The following SNX29 variants were observed in gnomAD, a reference collection of about 807,000 sequenced individuals.
The protein encoded by SNX29 is sorting nexin-29.
SNX29 carries 78 observed loss-of-function variants against 102.1 expected under a neutral mutation model. The ratio of observed to expected loss-of-function variants is 0.76; its 90% CI spans 0.64 to 0.92. The LOEUF (loss-of-function observed/expected upper bound fraction) is 0.92, where lower values mean the gene tolerates loss of function less well. SNX29 is among the 40% of genes least tolerant of loss of function. The pLI is 0.00. For missense variants in SNX29, 1,280 were observed against 1,061.7 expected, an observed-to-expected ratio of 1.21 and a Z score of -2.86; for synonymous variants, 580 against 414.5, an observed-to-expected ratio of 1.40 and a Z score of -4.85.
At chr16:12,548,271 C>G (rs919772069) in intron 20 of SNX29, among the ~76,000 whole-genome samples, 1 of 152,202 alleles carries the variant, frequency 6.6e-6, no homozygotes. Context: ...CAGATGTGGA[C>G]CTGACTGGGA....
chr16:12,459,591 C>T (rs1459574790), intron 18 of SNX29, among the ~76,000 whole-genome samples: 2 of 152,146 alleles, frequency 1.3e-5, no homozygotes, highest in Non-Finnish European at 2.9e-5. Flanking sequence ...GAGCCTGGGT[C>T]AGTCTGCATG....
intron 18 of SNX29, among the ~76,000 whole-genome samples, chr16:12,437,147 C>T (rs930108391): frequency 2.6e-5 from 4 of 152,384 alleles, no homozygotes; most frequent in East Asian, 1.9e-4. Context: ...AAAACTGTTA[C>T]TGAAATCCTG....
intron 20 of SNX29, among the ~76,000 whole-genome samples, chr16:12,553,923 G>A (rs1417003466): frequency 6.6e-6 from 1 of 152,114 alleles, no homozygotes; most frequent in Non-Finnish European, 1.5e-5. Context: ...CGCCTCCTGG[G>A]TTCAAGCAAT....
chr16:12,300,559 G>A (rs933170139), intron 15 of SNX29, among the ~76,000 whole-genome samples: 1 of 152,096 alleles, frequency 6.6e-6, no homozygotes, highest in African/African-American at 2.4e-5. Context: ...TAATTCCTAT[G>A]TAACTGCTTT....
intron 11 of SNX29, chr16:12,086,713 CA>C (rs1414698347): frequency 3.9e-5 from 6 of 152,054 alleles, no homozygotes; most frequent in African/African-American, 1.4e-4. Context: ...TATGCCTGGC[CA>C]AACACCAAAT....
At chr16:12,504,521 G>T (rs1020043675) in intron 19 of SNX29, among the ~76,000 whole-genome samples, 8 of 152,186 alleles carry the variant, frequency 5.3e-5, no homozygotes, top group African/African-American at 1.9e-4. Flanking sequence ...GTGTGTCACA[G>T]AAGGATCATG....
rs568010064 is a variant in SNX29, at chr16:12,063,460, C to T, written c.1243+1814C>T. 7.3e-4 allele frequency among the ~76,000 whole-genome samples: 108 copies of T among 147,400 alleles called. 1 individual carries two copies. Among genetic ancestry groups the T allele is most frequent in the African/African-American group, 2.6e-3 (103 of 39,844 alleles). On this transcript the variant is annotated intron_variant, in intron 9 of 20. Coordinates refer to ENST00000566228, the MANE Select transcript of SNX29 (RefSeq NM_032167.5). ...CATGATCTTGGCTCACTGCAACCTC[C>T]GCCTTCTGGGTTCAAGTGATTCTCC...
intron 1 of SNX29, among the ~76,000 whole-genome samples, chr16:11,982,423 G>GTTTTTTTTTTTTTTTTTTTTTT (rs60761477): frequency 2.5e-5 from 3 of 120,356 alleles, no homozygotes; most frequent in Admixed American, 9.5e-5. Flanking sequence ...CTTTCCATCA[G>GTTTTTTTTTTTTTTTTTTTTTT]TTTTTTTTTT....
chr16:12,549,345 A>G (rs1398810789), intron 20 of SNX29, among the ~76,000 whole-genome samples: 6 of 152,190 alleles, frequency 3.9e-5, no homozygotes, highest in Admixed American at 3.9e-4. Context: ...AAATACAAAA[A>G]TTAGCCATGG....
At chr16:12,516,426 G>C (rs1327417708) in intron 19 of SNX29, among the ~76,000 whole-genome samples, 1 of 148,116 alleles carries the variant, frequency 6.8e-6, no homozygotes, top group African/African-American at 2.5e-5. Context: ...GCTGCAGTGA[G>C]CCATGATTGT....
intron 14 of SNX29, among the ~76,000 whole-genome samples, chr16:12,268,846 C>G (rs1411567759): frequency 6.6e-6 from 1 of 152,182 alleles, no homozygotes; most frequent in Non-Finnish European, 1.5e-5. Context: ...AGAAGTTTCA[C>G]TTAATTTAGA....
In SNX29 at chr16:12,239,639, C is replaced by CAAAAAAAA. The variant is rs61024203; in HGVS notation, c.1679-38271_1679-38264dup. 9.6e-4 allele frequency among the ~76,000 whole-genome samples: 60 copies of CAAAAAAAA among 62,564 alleles called. 3 individuals are homozygous for CAAAAAAAA. The highest frequency in any genetic ancestry group is 3.3e-3 in the African/African-American group (53 of 15,902). 41.0% of individuals were successfully genotyped at this position (62,564 alleles called of 152,430 possible). ...GGCAAGGAGTGAGACCCTGTTTCTA[C>CAAAAAAAA]AAAAAAAAAAAAAAAAAAAAAAAAA... On this transcript the variant is annotated intron_variant, in intron 14 of 20. Transcript: ENST00000566228.
chr16:12,240,675 C>A (rs1701104), intron 14 of SNX29, among the ~76,000 whole-genome samples: 4 of 133,030 alleles, frequency 3.0e-5, no homozygotes, highest in African/African-American at 1.1e-4. Context: ...CAGCTTACTG[C>A]AACCTCTGCC....
chr16:12,078,690 G>C, intron 10 of SNX29, 143 bp from the exon 11 acceptor site: 1 of 713,464 alleles, frequency 1.4e-6, no homozygotes. Context: ...TGCAGATAAC[G>C]AGGCCTGACT....
At chr16:12,323,446 C>A (rs919159671) in intron 15 of SNX29, among the ~76,000 whole-genome samples, 3 of 151,220 alleles carry the variant, frequency 2.0e-5, no homozygotes, top group African/African-American at 7.3e-5. Context: ...AAAATAACTT[C>A]AAAAGTACCA....
chr16:12,157,371 C>T (rs114682389), intron 13 of SNX29, among the ~76,000 whole-genome samples: 2 of 152,238 alleles, frequency 1.3e-5, no homozygotes, highest in African/African-American at 2.4e-5. Flanking sequence ...CACACTGGCC[C>T]TCCACAGCAT....
chr16:12,139,979 T>TGAAAAAAAAAAAAAAAAAAAAAAAAA (rs144110763), intron 13 of SNX29, among the ~76,000 whole-genome samples: 2 of 63,070 alleles, frequency 3.2e-5, no homozygotes, highest in Non-Finnish European at 6.0e-5. Flanking sequence ...ATACCCTGTC[T>TGAAAAAAAAAAAAAAAAAAAAAAAAA]CAAAAAAAAA....
rs1247703543 is a variant in SNX29, at chr16:12,454,805, TGCCTCCCAGGTTCAGGCACTTCTGCCTCA to T, written c.2038-22877_2038-22849del. Among the ~76,000 whole-genome samples, 450 of 152,226 alleles carry T rather than the reference TGCCTCCCAGGTTCAGGCACTTCTGCCTCA, an allele frequency of 3.0e-3. 1 individual carries two copies. The highest frequency in any genetic ancestry group is 9.2e-3 in the African/African-American group (383 of 41,524). ...CGTGATCTCGGCTCACTGCAACCTC[TGCCTCCCAGGTTCAGGCACTTCTGCCTCA>T]GCCTCCCAGGTTCAGGCACTTCTGC... On this transcript the variant is annotated intron_variant, in intron 18 of 20. Coordinates refer to ENST00000566228, the MANE Select transcript of SNX29 (RefSeq NM_032167.5).
chr16:12,143,643 C>T (rs1349129891), intron 13 of SNX29, among the ~76,000 whole-genome samples: 3 of 152,112 alleles, frequency 2.0e-5, no homozygotes, highest in Admixed American at 6.5e-5. Context: ...GAATACCCTG[C>T]GTAAGTACTG....
Sources: gnomAD v4.1 joint callset for allele counts (sites outside exome capture counted in the v4.1 genomes callset) on GRCh38, gnomAD v4.1.1 for gene constraint, MANE v1.5 for transcripts, NCBI Gene and HGNC (gene_info 2026-07-23, HGNC 2026-07-21) for gene names.